FOXP2: variants seen among roughly 807,000 people sequenced by gnomAD.
FOXP2 encodes the protein forkhead box protein P2.
A neutral mutation model predicts 115.8 loss-of-function variants in FOXP2; 12 were observed. That is an observed-to-expected ratio of 0.10 (90% confidence interval 0.07 to 0.17). The LOEUF (loss-of-function observed/expected upper bound fraction) is 0.17, where lower values mean the gene tolerates loss of function less well. Among genes scored for constraint, FOXP2 ranks in the 10% least tolerant of loss-of-function variants. The pLI is 1.00. For missense variants in FOXP2, 629 were observed against 843.5 expected, an observed-to-expected ratio of 0.75 and a Z score of 3.15; for synonymous variants, 328 against 297.7, an observed-to-expected ratio of 1.10 and a Z score of -1.05.
intron 2 of FOXP2, among the ~76,000 whole-genome samples, chr7:114,338,774 ACACACAC>A (rs1283369046): frequency 6.6e-6 from 1 of 150,890 alleles, no homozygotes. Flanking sequence ...ACACACACAC[ACACACAC>A]ATCTACATAC....
chr7:114,252,966 G>A (rs545162751), intron 1 of FOXP2, among the ~76,000 whole-genome samples: 1 of 152,252 alleles, frequency 6.6e-6, no homozygotes, highest in East Asian at 1.9e-4. Flanking sequence ...TGCTTTAAAT[G>A]TGTCCCAGAG....
intron 1 of FOXP2, among the ~76,000 whole-genome samples, chr7:114,166,629 TG>T (rs1391659900): frequency 6.6e-6 from 1 of 152,116 alleles, no homozygotes; most frequent in African/African-American, 2.4e-5. Context: ...TGCTTGAACC[TG>T]GGAGGCAGAG....
chr7:114,616,092 T>G (rs984706254), intron 3 of FOXP2, among the ~76,000 whole-genome samples: 1 of 152,198 alleles, frequency 6.6e-6, no homozygotes, highest in African/African-American at 2.4e-5. Flanking sequence ...TTATGTCTTG[T>G]TCTTGTAGAA....
chr7:114,519,021 A>G (rs1043372162), intron 2 of FOXP2, among the ~76,000 whole-genome samples: 1 of 152,154 alleles, frequency 6.6e-6, no homozygotes, highest in African/African-American at 2.4e-5. Context: ...TCATCTTCAC[A>G]GCAACTATTT....
chr7:114,151,140 T>C (rs776942550), intron 1 of FOXP2, among the ~76,000 whole-genome samples: 1 of 151,988 alleles, frequency 6.6e-6, no homozygotes, highest in Non-Finnish European at 1.5e-5. Context: ...GGGAAAAATG[T>C]AAACCAGTTG....
intron 1 of FOXP2, among the ~76,000 whole-genome samples, chr7:114,260,648 G>C (rs1164938478): frequency 6.6e-6 from 1 of 151,828 alleles, no homozygotes; most frequent in South Asian, 2.1e-4. Context: ...AGAAAAAAAC[G>C]CATGAACAAC....
chr7:114,289,302 T>C (rs188242640), intron 2 of FOXP2, among the ~76,000 whole-genome samples: 4 of 152,004 alleles, frequency 2.6e-5, no homozygotes, highest in Non-Finnish European at 5.9e-5. Flanking sequence ...TATTATTCTT[T>C]GATAAGTGGA....
chr7:114,257,503 G>A (rs1320710143), intron 1 of FOXP2, among the ~76,000 whole-genome samples: 1 of 145,088 alleles, frequency 6.9e-6, no homozygotes, highest in East Asian at 2.0e-4. Context: ...GCCCAGGCTG[G>A]AGTGCAGTGG....
In FOXP2 at chr7:114,569,241, T is replaced by G. The variant is rs937122597; in HGVS notation, c.258+34535T>G. Among the ~76,000 whole-genome samples, 11 of 152,076 alleles carry G rather than the reference T, an allele frequency of 7.2e-5. No homozygotes were observed. The South Asian group carries it at 1.9e-3, about 26-fold the overall frequency. On this transcript the variant is annotated intron_variant, in intron 3 of 16. Coordinates refer to ENST00000350908, the MANE Select transcript of FOXP2 (RefSeq NM_014491.4). ...TTTTGATTTTAACGAAAGTTACAGC[T>G]GCCTAGCTGTAAAGCAGTCAGTTTC...
chr7:114,302,281 C>A lies in FOXP2; in HGVS notation c.-11+14172C>A, dbSNP rs116234842. On this transcript the variant is annotated intron_variant, in intron 2 of 17. Coordinates refer to the FOXP2 transcript ENST00000634411. Reference sequence around the variant, plus strand: ...TCATTCAGAGAAATTACCATATACACCTTTATAGTCACAGCATATGAACTT... The same window carrying A: ...TCATTCAGAGAAATTACCATATACAACTTTATAGTCACAGCATATGAACTT... Among the ~76,000 whole-genome samples, 891 of 152,156 alleles carry A rather than the reference C, an allele frequency of 5.9e-3. 5 individuals are homozygous for A. Among genetic ancestry groups the A allele is most frequent in the African/African-American group, 0.02 (841 of 41,524 alleles).
rs188548681 is a variant in FOXP2 at position 114,236,406 on chromosome 7, G to A, written c.-101-51613G>A. Reference sequence around the variant, plus strand: ...TAATTCTAAACATATAAAGCAGAAAGGTTATATTTCAGAAACACATGTAGT... The same window carrying A: ...TAATTCTAAACATATAAAGCAGAAAAGTTATATTTCAGAAACACATGTAGT... On this transcript the variant is annotated intron_variant, in intron 1 of 17. Coordinates refer to the FOXP2 transcript ENST00000634411. 2.0e-3 allele frequency among the ~76,000 whole-genome samples: 307 copies of A among 152,226 alleles called. 1 individual carries two copies. The highest frequency in any genetic ancestry group is 7.0e-3 in the African/African-American group (291 of 41,560).
At chr7:114,178,499 G>C (rs1050938166) in intron 1 of FOXP2, among the ~76,000 whole-genome samples, 1 of 151,910 alleles carries the variant, frequency 6.6e-6, no homozygotes, top group African/African-American at 2.4e-5. Flanking sequence ...GGTGACATGA[G>C]ATACAACTTG....
chr7:114,661,412 A>G (rs1806853424), intron 13 of FOXP2, among the ~76,000 whole-genome samples: 2 of 152,066 alleles, frequency 1.3e-5, no homozygotes, highest in Admixed American at 1.3e-4. Flanking sequence ...TGGGAAGAAA[A>G]TGTACTCTCG....
chr7:114,390,822 G>T lies in FOXP2; in HGVS notation c.-10-35680G>T, dbSNP rs1324675467. On this transcript the variant is annotated intron_variant, in intron 2 of 17. Coordinates refer to the FOXP2 transcript ENST00000634411. ...ATTGCCTGCCTTGGCCCTGCTAAGT[G>T]CTGGAATTACAGATGTGGGCCACCT... Among the ~76,000 whole-genome samples the T allele has an allele frequency of 2.0e-5, 3 of 151,942 alleles. No homozygotes were observed. In the South Asian group the frequency reaches 6.2e-4, roughly 32 times the overall value.
intron 2 of FOXP2, among the ~76,000 whole-genome samples, chr7:114,295,550 C>G (rs1796722530): frequency 6.6e-6 from 1 of 152,120 alleles, no homozygotes; most frequent in East Asian, 1.9e-4. Flanking sequence ...TTTTTTTCCC[C>G]TATATGATAT....
intron 16 of FOXP2, 197 bp downstream of exon 16, chr7:114,664,633 C>T (rs1807068602): frequency 8.1e-6 from 5 of 619,908 alleles, no homozygotes; most frequent in Non-Finnish European, 1.4e-5. Flanking sequence ...TCTCAAATGC[C>T]ATATCATTAT....
intron 2 of FOXP2, among the ~76,000 whole-genome samples, chr7:114,306,165 A>G (rs1189338127): frequency 6.6e-6 from 1 of 152,124 alleles, no homozygotes; most frequent in Non-Finnish European, 1.5e-5. Flanking sequence ...CTGGTATTTG[A>G]TTTTACCCTA....
intron 2 of FOXP2, among the ~76,000 whole-genome samples, chr7:114,367,196 A>G (rs960240777): frequency 2.6e-5 from 4 of 152,140 alleles, no homozygotes; most frequent in Non-Finnish European, 5.9e-5. Flanking sequence ...AAGCCCATGA[A>G]TGAATAAAGT....
At chr7:114,685,283 T>A (rs1294038918) in intron 16 of FOXP2, among the ~76,000 whole-genome samples, 1 of 152,134 alleles carries the variant, frequency 6.6e-6, no homozygotes, top group Non-Finnish European at 1.5e-5. Flanking sequence ...AGAGTCCTAT[T>A]TTTTTATTTA....
Sources: gnomAD v4.1 joint callset for allele counts (sites outside exome capture counted in the v4.1 genomes callset) on GRCh38, gnomAD v4.1.1 for gene constraint, MANE v1.5 for transcripts, NCBI Gene and HGNC (gene_info 2026-07-23, HGNC 2026-07-21) for gene names.